MRTFA: variants seen among roughly 807,000 people sequenced by gnomAD.
MRTFA encodes the protein myocardin related transcription factor A, also known as myocardin-related transcription factor A.
A neutral mutation model predicts 83.5 loss-of-function variants in MRTFA; 20 were observed. The ratio of observed to expected loss-of-function variants is 0.24; its 90% CI spans 0.17 to 0.35. The LOEUF is 0.35. MRTFA is among the 10% of genes least tolerant of loss of function. The pLI is 1.00. For synonymous variants in MRTFA, 659 were observed against 541.2 expected (o/e 1.22, Z -3.02); for missense variants, 1,200 against 1,224.7 (o/e 0.98, Z 0.30).
chr22:40,421,004 T>A lies in MRTFA; in HGVS notation c.1024A>T (p.Ile342Phe). 6.3e-7 allele frequency: 1 copy of A among 1,588,666 alleles called. No individual in the cohort carries two copies. The highest frequency in any genetic ancestry group is 8.6e-7 in the Non-Finnish European group (1 of 1,159,538). ...CTGTCCTGCTTCTGGTCCGGGGGGA[T>A]GTACTGGTGGTACTTGAGCTTCTTC... is the stretch of plus-strand genomic sequence containing the variant. The change falls in exon 10 of 15, where the codon ATC (isoleucine) becomes TTC (phenylalanine). Residue 342 changes from isoleucine (I) to phenylalanine (F), a missense_variant. Transcript: ENST00000355630.
Position 40,429,777 on chromosome 22 carries a change from G to A in MRTFA, c.440-10C>T, listed in dbSNP as rs2147091067. ...GGCTCAGCCGAGGTCTCTGCCCATGGGAGAGAAAGGGGTGCAGGAAGATAT... is the reference window on the plus strand; with the variant it reads ...GGCTCAGCCGAGGTCTCTGCCCATGAGAGAGAAAGGGGTGCAGGAAGATAT... On this transcript the variant is annotated splice_polypyrimidine_tract_variant and intron_variant, in intron 6 of 14. Transcript: ENST00000355630. The A allele has an allele frequency of 6.2e-7, 1 of 1,602,798 alleles. No individual in the cohort carries two copies. The highest frequency in any genetic ancestry group is 8.5e-7 in the Non-Finnish European group (1 of 1,174,720).
chr22:40,534,643 G>C (rs555610153), intron 3 of MRTFA, among the ~76,000 whole-genome samples: 1 of 152,086 alleles, frequency 6.6e-6, no homozygotes, highest in Non-Finnish European at 1.5e-5. Flanking sequence ...CAAAGTGCTG[G>C]GATTACAGGC....
Position 40,632,622 on chromosome 22 carries a change from G to A in MRTFA, c.-84+3856C>T, listed in dbSNP as rs529603362. ...ACCTAATTTTTGTATTTTTAGTAGC[G>A]ACGGGGTTTCCCCATGTTGGCCAGG... On this transcript the variant is annotated intron_variant, in intron 1 of 14. Transcript: ENST00000355630. 3.9e-5 allele frequency among the ~76,000 whole-genome samples: 6 copies of A among 152,176 alleles called. No homozygotes were observed. In the East Asian group the frequency reaches 9.7e-4, roughly 24 times the overall value.
intron 2 of MRTFA, among the ~76,000 whole-genome samples, chr22:40,581,571 C>T (rs2055947939): frequency 6.6e-6 from 1 of 152,040 alleles, no homozygotes; most frequent in Non-Finnish European, 1.5e-5. Context: ...AAAGAGCCAA[C>T]TTTATAGTTT....
At position 40,412,222 on chromosome 22, in the gene MRTFA, A is replaced by G. The variant is rs527372116; in HGVS notation, c.2579-315T>C. 8 of 196,608 alleles carry G rather than the reference A, an allele frequency of 4.1e-5. No individual in the cohort carries two copies. In the East Asian group the frequency reaches 7.6e-4, roughly 19 times the overall value. The allele number at this position is 196,608 out of a possible 1,614,324, so 12.2% of individuals were successfully genotyped here. On this transcript the variant is annotated intron_variant, in intron 14 of 14. Coordinates refer to ENST00000355630, the MANE Select transcript of MRTFA (RefSeq NM_020831.6). Reference sequence around the variant, plus strand: ...TCCAAAGATGATATACAAATGGCCAACAGCACATGAAAAGAGCTCAATATC... The same window carrying G: ...TCCAAAGATGATATACAAATGGCCAGCAGCACATGAAAAGAGCTCAATATC...
chr22:40,517,744 C>T (rs2054785587), intron 3 of MRTFA, among the ~76,000 whole-genome samples: 1 of 152,102 alleles, frequency 6.6e-6, no homozygotes. Flanking sequence ...CATAACAGGT[C>T]CCTTTCAACC....
intron 1 of MRTFA, among the ~76,000 whole-genome samples, chr22:40,635,175 T>C (rs2056681396): frequency 6.6e-6 from 1 of 152,206 alleles, no homozygotes; most frequent in Non-Finnish European, 1.5e-5. Context: ...TTTAATAACT[T>C]CCAGCCAAAG....
chr22:40,411,953 G>C (rs752896166), intron 14 of MRTFA, 46 bp from the exon 15 acceptor site: 1 of 1,409,434 alleles, frequency 7.1e-7, no homozygotes, highest in African/African-American at 1.4e-5. Flanking sequence ...AGCCAAGCCT[G>C]TATATCTACA....
intron 2 of MRTFA, among the ~76,000 whole-genome samples, chr22:40,578,943 A>G (rs1466333006): frequency 2.0e-5 from 3 of 152,102 alleles, no homozygotes; most frequent in Non-Finnish European, 4.4e-5. Context: ...ATAATAAAAA[A>G]CAAAATAAAT....
chr22:40,443,499 T>C lies in MRTFA; in HGVS notation c.308-7945A>G, dbSNP rs1405503297. ...CCTCCCTTTTTTTTTCTGCTTCATA[T>C]ATCCAGGCTTAAAGCTGAAGATGTT... On this transcript the variant is annotated intron_variant, in intron 4 of 14. Coordinates refer to ENST00000355630, the MANE Select transcript of MRTFA (RefSeq NM_020831.6). Among the ~76,000 whole-genome samples the C allele has an allele frequency of 2.7e-5, 4 of 150,268 alleles. No individual in the cohort carries two copies. In the Admixed American group the frequency reaches 2.7e-4, roughly 10 times the overall value.
At chr22:40,455,732 A>G (rs2147137421) in intron 4 of MRTFA, among the ~76,000 whole-genome samples, 1 of 151,604 alleles carries the variant, frequency 6.6e-6, no homozygotes, top group East Asian at 1.9e-4. Context: ...TCGGGGTGGC[A>G]GAGGATGTTG....
At chr22:40,447,199 T>C (rs999494847) in intron 4 of MRTFA, among the ~76,000 whole-genome samples, 12 of 151,440 alleles carry the variant, frequency 7.9e-5, no homozygotes, top group African/African-American at 2.9e-4. Context: ...CTATGAAAAA[T>C]ACAAAAATTA....
intron 2 of MRTFA, among the ~76,000 whole-genome samples, chr22:40,571,626 T>C (rs983029092): frequency 6.6e-6 from 1 of 151,988 alleles, no homozygotes; most frequent in African/African-American, 2.4e-5. Flanking sequence ...GATTTGAACA[T>C]ACACTTCTCC....
At chr22:40,562,354 G>A (rs2055632787) in intron 2 of MRTFA, among the ~76,000 whole-genome samples, 1 of 151,690 alleles carries the variant, frequency 6.6e-6, no homozygotes. Context: ...GACAAGCCTA[G>A]TCACCTGCTG....
At chr22:40,586,174 T>C (rs1336503925) in intron 2 of MRTFA, among the ~76,000 whole-genome samples, 2 of 151,558 alleles carry the variant, frequency 1.3e-5, no homozygotes, top group Non-Finnish European at 2.9e-5. Flanking sequence ...TCAAAGTCCT[T>C]ACTAGGCTCA....
At chr22:40,449,815 C>G (rs1054479784) in intron 4 of MRTFA, among the ~76,000 whole-genome samples, 11 of 152,282 alleles carry the variant, frequency 7.2e-5, no homozygotes, top group Admixed American at 2.0e-4. Flanking sequence ...TTCTGGGAGT[C>G]AGAGAATCTG....
chr22:40,500,905 T>C (rs1459228026), intron 3 of MRTFA, among the ~76,000 whole-genome samples: 2 of 150,512 alleles, frequency 1.3e-5, no homozygotes, highest in African/African-American at 4.9e-5. Flanking sequence ...AATGAGCTGT[T>C]GGGCACACCT....
chr22:40,627,267 C>A (rs1194744617), intron 1 of MRTFA, among the ~76,000 whole-genome samples: 1 of 152,170 alleles, frequency 6.6e-6, no homozygotes, highest in African/African-American at 2.4e-5. Flanking sequence ...GTGCATGTCA[C>A]CATGCTGAGC....
chr22:40,619,889 C>CAAAAAAAA, intron 1 of MRTFA, among the ~76,000 whole-genome samples: 1 of 52,438 alleles, frequency 1.9e-5, no homozygotes, highest in Non-Finnish European at 3.8e-5. Flanking sequence ...AACTCCGTCT[C>CAAAAAAAA]AAAAAAAAAA....
Sources: gnomAD v4.1 joint callset for allele counts (sites outside exome capture counted in the v4.1 genomes callset) on GRCh38, gnomAD v4.1.1 for gene constraint, MANE v1.5 for transcripts, NCBI Gene and HGNC (gene_info 2026-07-23, HGNC 2026-07-21) for gene names.